RTL4: variants seen among roughly 807,000 people sequenced by gnomAD.
The protein encoded by RTL4 is retrotransposon Gag like 4, also known as retrotransposon Gag-like protein 4.
In RTL4, 4 loss-of-function variants were observed where a neutral mutation model predicts 5.3. The observed-to-expected ratio is 0.75, with a 90% CI of 0.37 to 1.72. The LOEUF is 1.72. Among genes scored for constraint, RTL4 ranks in the 40% most tolerant of loss-of-function variants. The pLI is 0.04. For synonymous variants in RTL4, 98 were observed against 87.3 expected (o/e 1.12, Z -0.68); for missense variants, 260 against 227.1 (o/e 1.14, Z -0.93).
At chrX:112,268,184 T>G in the RTL4 span, among the ~76,000 whole-genome samples, 3 of 111,587 alleles carry the variant, frequency 2.7e-5, no homozygotes, top group Non-Finnish European at 5.6e-5. Flanking sequence ...CACTCTCTTC[T>G]TTTTCTTACT....
the RTL4 span, among the ~76,000 whole-genome samples, chrX:112,246,166 C>G: frequency 8.9e-6 from 1 of 112,151 alleles, no homozygotes; most frequent in Non-Finnish European, 1.9e-5. Context: ...TTAGGGCACA[C>G]GGGGGTCAGG....
the RTL4 span, among the ~76,000 whole-genome samples, chrX:112,211,620 G>A: frequency 8.9e-6 from 1 of 112,109 alleles, no homozygotes; most frequent in South Asian, 3.7e-4. Context: ...GGGTGTTGGC[G>A]AAAATTTGGT....
At chrX:112,086,858 A>C in the RTL4 span, among the ~76,000 whole-genome samples, 1 of 112,075 alleles carries the variant, frequency 8.9e-6, no homozygotes, top group Non-Finnish European at 1.9e-5. Context: ...ATTGAAAAAT[A>C]TGTTTCATTT....
chrX:112,304,588 A>C, the RTL4 span, among the ~76,000 whole-genome samples: 1 of 106,163 alleles, frequency 9.4e-6, no homozygotes, highest in Non-Finnish European at 1.9e-5. Flanking sequence ...TCCAAGTAGT[A>C]CTGCAGGAAA....
the RTL4 span, among the ~76,000 whole-genome samples, chrX:112,089,686 C>T: frequency 9.0e-6 from 1 of 111,549 alleles, no homozygotes; most frequent in African/African-American, 3.2e-5. Context: ...GTGAGTCCTC[C>T]AACATTGGTC....
chrX:112,372,900 T>C, the RTL4 span, among the ~76,000 whole-genome samples: 3 of 111,808 alleles, frequency 2.7e-5, no homozygotes, highest in Admixed American at 1.9e-4. Context: ...CTGCCAAAGA[T>C]GAAAAAGTTC....
the RTL4 span, among the ~76,000 whole-genome samples, chrX:112,403,774 T>A: frequency 2.7e-5 from 3 of 112,490 alleles, no homozygotes; most frequent in East Asian, 8.3e-4. Context: ...TTTTTCTTGA[T>A]GGTTGAAAAC....
At chrX:112,453,536 C>T (rs1926778977), upstream of RTL4, among the ~76,000 whole-genome samples, 1 of 111,595 alleles carries the variant, frequency 9.0e-6, no homozygotes, top group African/African-American at 3.3e-5. Context: ...ATTTCCATGG[C>T]AAGAAATTGT....
the RTL4 span, among the ~76,000 whole-genome samples, chrX:112,114,291 C>G: frequency 1.2e-4 from 13 of 111,568 alleles, no homozygotes; most frequent in East Asian, 1.1e-3. Context: ...CAGTGGGGAT[C>G]CATACTGGGG....
the RTL4 span, among the ~76,000 whole-genome samples, chrX:112,438,529 C>T: frequency 8.9e-6 from 1 of 112,667 alleles, no homozygotes; most frequent in African/African-American, 3.2e-5. Context: ...TTTCCTTGAT[C>T]GTACGCAGTG....
chrX:112,439,726 C>T, the RTL4 span, among the ~76,000 whole-genome samples: 1 of 111,170 alleles, frequency 9.0e-6, no homozygotes, highest in East Asian at 2.9e-4. Flanking sequence ...ACTTCTTGCT[C>T]TGTTAGTTCC....
the RTL4 span, among the ~76,000 whole-genome samples, chrX:112,356,088 A>G: frequency 9.0e-6 from 1 of 111,507 alleles, no homozygotes; most frequent in African/African-American, 3.3e-5. Context: ...GAATACACAC[A>G]GAGTTCATTT....
the RTL4 span, among the ~76,000 whole-genome samples, chrX:112,199,223 A>G: frequency 9.8e-6 from 1 of 102,045 alleles, no homozygotes; most frequent in Non-Finnish European, 2.0e-5. Flanking sequence ...CAGGAGGTGG[A>G]GCTTGCAGTG....
At chrX:112,347,891 G>A in the RTL4 span, among the ~76,000 whole-genome samples, 5 of 110,880 alleles carry the variant, frequency 4.5e-5, no homozygotes, top group African/African-American at 1.3e-4. Flanking sequence ...TACAGGTTTG[G>A]CATCTAAGAG....
the RTL4 span, among the ~76,000 whole-genome samples, chrX:112,100,335 G>A: frequency 9.0e-6 from 1 of 111,371 alleles, no homozygotes; most frequent in African/African-American, 3.3e-5. Context: ...AGATACTAAA[G>A]TTAATATTGG....
chrX:112,151,323 G>A, the RTL4 span, among the ~76,000 whole-genome samples: 3 of 111,634 alleles, frequency 2.7e-5, no homozygotes, highest in Non-Finnish European at 3.8e-5. Flanking sequence ...GCTCAAGGCC[G>A]AGCCAAAGGC....
At chrX:112,127,354 A>G in the RTL4 span, among the ~76,000 whole-genome samples, 1 of 111,240 alleles carries the variant, frequency 9.0e-6, no homozygotes, top group Non-Finnish European at 1.9e-5. Context: ...CAGGAAAAGC[A>G]CTTGTCAAAA....
the RTL4 span, among the ~76,000 whole-genome samples, chrX:112,175,675 A>G: frequency 9.0e-6 from 1 of 111,598 alleles, no homozygotes; most frequent in African/African-American, 3.3e-5. Flanking sequence ...GACAAAATTC[A>G]ACAACGCTTC....
the RTL4 span, among the ~76,000 whole-genome samples, chrX:112,311,923 C>G: frequency 9.0e-6 from 1 of 111,325 alleles, no homozygotes; most frequent in African/African-American, 3.3e-5. Context: ...ATCACTGTTT[C>G]TTGTTAATTT....
Sources: allele counts gnomAD v4.1 joint callset (sites outside exome capture counted in the v4.1 genomes callset), GRCh38; gene constraint gnomAD v4.1.1; transcripts MANE v1.5; gene names NCBI Gene and HGNC (gene_info 2026-07-23, HGNC 2026-07-21).